ANO10: variants seen among roughly 807,000 people sequenced by gnomAD.
ANO10 encodes the protein anoctamin 10.
In ANO10, 77 loss-of-function variants were observed where a neutral mutation model predicts 74.7. The ratio of observed to expected loss-of-function variants is 1.03; its 90% confidence interval spans 0.86 to 1.25. The LOEUF (loss-of-function observed/expected upper bound fraction) is 1.25, where lower values mean the gene tolerates loss of function less well. ANO10 is among the 50% of genes most tolerant of loss of function. The pLI, the probability that ANO10 is intolerant of heterozygous loss-of-function variation, is 0.00. For missense variants in ANO10, 721 were observed against 778.1 expected (o/e 0.93, Z 0.87); for synonymous variants, 279 against 284.9 (o/e 0.98, Z 0.21).
In ANO10 at chr3:43,366,413, A is replaced by T. The variant is rs1268323441; in HGVS notation, c.*493T>A. The T allele has an allele frequency of 4.3e-6, 1 of 231,318 alleles. No homozygotes were observed. The highest frequency in any genetic ancestry group is 8.7e-6 in the Non-Finnish European group (1 of 115,400). The allele number at this position is 231,318 out of a possible 1,614,324, so 14.3% of individuals were successfully genotyped here. On this transcript the variant is annotated 3_prime_UTR_variant, in exon 13 of 13. Transcript: ENST00000292246. ...AGGGTCTGTTAATGTATTGCAAAAG[A>T]GAACCAGGAAAGAGGTCCAGTGTGG...
At chr3:43,530,238 C>G (rs2078397753) in intron 11 of ANO10, among the ~76,000 whole-genome samples, 1 of 151,938 alleles carries the variant, frequency 6.6e-6, no homozygotes, top group Admixed American at 6.6e-5. Flanking sequence ...AACACAGTAA[C>G]TACATTTATA....
chr3:43,555,460 C>G lies in ANO10; in HGVS notation c.1486G>C (p.Asp496His). The change falls in exon 10 of 13, where the codon GAT (aspartate) becomes CAT (histidine). Residue 496 changes from aspartate (D) to histidine (H), a missense_variant. Asp to His is a moderately conservative substitution (Grantham distance 81, BLOSUM62 -1). Coordinates refer to ENST00000292246, the MANE Select transcript of ANO10 (RefSeq NM_018075.5). The part of the protein sequence containing the change: ...KEMGTYLGTF[D>H]DYLELFLQFG... Reference sequence around the variant, plus strand: ...TGCAGGAATAACTCCAAGTAATCATCAAAGGTGCCCTGAAAATATAAACAA... The same window carrying G: ...TGCAGGAATAACTCCAAGTAATCATGAAAGGTGCCCTGAAAATATAAACAA... 1 of 1,614,052 alleles carries G rather than the reference C, an allele frequency of 6.2e-7. No individual in the cohort carries two copies. Among genetic ancestry groups the G allele is most frequent in the South Asian group, 1.1e-5 (1 of 91,074 alleles).
intron 11 of ANO10, among the ~76,000 whole-genome samples, chr3:43,433,188 C>T (rs2093016442): frequency 6.6e-6 from 1 of 151,896 alleles, no homozygotes; most frequent in Admixed American, 6.6e-5. Context: ...CTCAGGTGAT[C>T]CACCCACCTT....
intron 1 of ANO10, among the ~76,000 whole-genome samples, chr3:43,606,730 C>T (rs759862467): frequency 6.6e-6 from 1 of 151,870 alleles, no homozygotes; most frequent in Non-Finnish European, 1.5e-5. Context: ...TCTACAGTAC[C>T]CATCTCAGCT....
intron 12 of ANO10, among the ~76,000 whole-genome samples, chr3:43,369,376 AG>A (rs1162645443): frequency 6.6e-6 from 1 of 152,244 alleles, no homozygotes; most frequent in African/African-American, 2.4e-5. Flanking sequence ...CTGGTGGCAA[AG>A]GTAGAAAGAA....
At chr3:43,665,233 A>G (rs907894495) in intron 1 of ANO10, among the ~76,000 whole-genome samples, 4 of 152,318 alleles carry the variant, frequency 2.6e-5, no homozygotes, top group Middle Eastern at 6.8e-3. Flanking sequence ...AGGGACATGG[A>G]TGAAGCTGGA....
Position 43,610,795 on chromosome 3 carries a change from T to C in ANO10, c.-11-4932A>G, listed in dbSNP as rs1180859515. On this transcript the variant is annotated intron_variant, in intron 1 of 12. Transcript: ENST00000292246. ...AAGTATACCAGTTTTATTTTATGAA[T>C]ACTAAATATCAGTAATCCTCAATAA... Among the ~76,000 whole-genome samples the C allele has an allele frequency of 5.9e-5, 9 of 152,220 alleles. No individual in the cohort carries two copies. In the East Asian group the frequency reaches 1.7e-3, roughly 29 times the overall value.
At chr3:43,390,968 T>TTTC (rs2092260051) in intron 12 of ANO10, among the ~76,000 whole-genome samples, 1 of 152,202 alleles carries the variant, frequency 6.6e-6, no homozygotes, top group Non-Finnish European at 1.5e-5. Context: ...ATTTTAACTT[T>TTTC]GACATTATCT....
chr3:43,559,005 G>A (rs2079896873), intron 9 of ANO10, among the ~76,000 whole-genome samples: 1 of 152,216 alleles, frequency 6.6e-6, no homozygotes, highest in African/African-American at 2.4e-5. Context: ...TCACATCAGA[G>A]AACCTGTGGT....
chr3:43,443,871 CG>C (rs1553664612), intron 11 of ANO10, among the ~76,000 whole-genome samples: 1 of 151,514 alleles, frequency 6.6e-6, no homozygotes, highest in Non-Finnish European at 1.5e-5. Flanking sequence ...TTAGTAGAGA[CG>C]GGTTTCACCA....
At chr3:43,658,090 G>A (rs1211458573) in intron 1 of ANO10, among the ~76,000 whole-genome samples, 2 of 152,124 alleles carry the variant, frequency 1.3e-5, no homozygotes, top group African/African-American at 4.8e-5. Flanking sequence ...GCACACATCT[G>A]CTGCCATTTA....
chr3:43,494,228 C>A (rs1040274783), intron 11 of ANO10, among the ~76,000 whole-genome samples: 1 of 152,062 alleles, frequency 6.6e-6, no homozygotes, highest in Non-Finnish European at 1.5e-5. Flanking sequence ...CTGAGGCAGG[C>A]GGATCACCTG....
intron 11 of ANO10, among the ~76,000 whole-genome samples, chr3:43,453,859 G>A (rs2075002479): frequency 6.6e-6 from 1 of 151,996 alleles, no homozygotes; most frequent in Admixed American, 6.5e-5. Context: ...TAAGGTGTCT[G>A]CTTATATGCA....
chr3:43,603,193 G>A (rs2082412572), intron 2 of ANO10, among the ~76,000 whole-genome samples: 1 of 152,014 alleles, frequency 6.6e-6, no homozygotes, highest in African/African-American at 2.4e-5. Flanking sequence ...CAAGTTCTCT[G>A]CCAACTGTCT....
chr3:43,383,265 A>G (rs967866461), intron 12 of ANO10, among the ~76,000 whole-genome samples: 5 of 152,118 alleles, frequency 3.3e-5, no homozygotes, highest in Non-Finnish European at 7.4e-5. Context: ...CATCCTGGCT[A>G]ACATGGTGAA....
chr3:43,558,397 C>A (rs914749568), intron 9 of ANO10, among the ~76,000 whole-genome samples: 1 of 152,066 alleles, frequency 6.6e-6, no homozygotes, highest in East Asian at 1.9e-4. Flanking sequence ...AGGAAAAGGA[C>A]AGCAGAGGAC....
At position 43,521,031 on chromosome 3, in the gene ANO10, G is replaced by A. The variant is rs76760039; in HGVS notation, c.1797+28689C>T. ...TCTTGTAACCTGAACTCATTTATTC[G>A]TCTGAATTGTTTTTAATGGATTCCT... On this transcript the variant is annotated intron_variant, in intron 11 of 12. Coordinates refer to ENST00000292246, the MANE Select transcript of ANO10 (RefSeq NM_018075.5). 5.7e-3 allele frequency among the ~76,000 whole-genome samples: 862 copies of A among 152,050 alleles called. 5 individuals carry two copies. The highest frequency in any genetic ancestry group is 0.017 in the African/African-American group (719 of 41,470).
intron 11 of ANO10, among the ~76,000 whole-genome samples, chr3:43,507,122 G>C (rs2077325147): frequency 6.6e-6 from 1 of 152,240 alleles, no homozygotes; most frequent in Admixed American, 6.5e-5. Flanking sequence ...GGTGCTTTTT[G>C]TTAGCAGGTT....
intron 11 of ANO10, among the ~76,000 whole-genome samples, chr3:43,479,243 T>C (rs1575999260): frequency 6.6e-6 from 1 of 152,364 alleles, no homozygotes; most frequent in Non-Finnish European, 1.5e-5. Context: ...TCATGTCTCA[T>C]GTGGTAAAAA....
Sources: gnomAD v4.1 joint callset for allele counts (sites outside exome capture counted in the v4.1 genomes callset) on GRCh38, gnomAD v4.1.1 for gene constraint, MANE v1.5 for transcripts, NCBI Gene and HGNC (gene_info 2026-07-23, HGNC 2026-07-21) for gene names.